MYSM1: variants seen among roughly 807,000 people sequenced by gnomAD.
MYSM1 encodes Myb like, SWIRM and MPN domains 1, also known as deubiquitinase MYSM1.
MYSM1 carries 51 observed loss-of-function variants against 116.0 expected under a neutral mutation model. That is an observed-to-expected ratio of 0.44 (90% CI 0.35 to 0.56). The LOEUF is 0.56. Among genes scored for constraint, MYSM1 ranks in the 20% least tolerant of loss-of-function variants. The pLI is 0.00. For synonymous variants in MYSM1, 313 were observed against 315.2 expected, an observed-to-expected ratio of 0.99 and a Z score of 0.07; for missense variants, 900 against 974.9, an observed-to-expected ratio of 0.92 and a Z score of 1.02.
In MYSM1 at chr1:58,667,237, T is replaced by C. The variant is rs774511157; in HGVS notation, c.1843-11A>G. The C allele has an allele frequency of 2.7e-6, 4 of 1,501,020 alleles. No individual in the cohort carries two copies. The highest frequency in any genetic ancestry group is 2.8e-5 in the African/African-American group (2 of 71,138). 93.0% of individuals were successfully genotyped at this position (1,501,020 alleles called of 1,614,324 possible). On this transcript the variant is annotated splice_polypyrimidine_tract_variant and intron_variant, in intron 15 of 19. Transcript: ENST00000472487. ...TTCTGCTGCACAGACCTATAAACGA[T>C]TGATCCTCAAATGATTATACTAAAA...
In MYSM1 at chr1:58,659,544, G is replaced by A. The variant is rs1644362836; in HGVS notation, c.*453C>T. 6.6e-6 allele frequency: 1 copy of A among 152,146 alleles called. No individual in the cohort carries two copies. Among genetic ancestry groups the A allele is most frequent in the Non-Finnish European group, 1.5e-5 (1 of 68,094 alleles). 9.4% of individuals were successfully genotyped at this position (152,146 alleles called of 1,614,324 possible). A position where few individuals can be genotyped will look rare whatever the true frequency, so the allele number is the denominator to read the frequency against. On this transcript the variant is annotated 3_prime_UTR_variant, in exon 20 of 20. Transcript: ENST00000472487. ...TCTAAACCATATTAATTATCTCAGT[G>A]ACCACCCATCCATATCTCATTTATA...
At chr1:58,697,166 G>C (rs1198956818) in intron 1 of MYSM1, among the ~76,000 whole-genome samples, 1 of 152,184 alleles carries the variant, frequency 6.6e-6, no homozygotes, top group Non-Finnish European at 1.5e-5. Context: ...TAGAAGGAGG[G>C]AGGTAAGGAA....
chr1:58,675,669 G>A, intron 9 of MYSM1, 89 bp from the exon 10 acceptor site: 1 of 898,510 alleles, frequency 1.1e-6, no homozygotes, highest in Non-Finnish European at 1.8e-6. Flanking sequence ...GACTATAGTG[G>A]GGCTTCTATG....
rs1644334117 is a variant in MYSM1, at chr1:58,657,477, A to G, written c.*2520T>C. ...CCCTGGCTCCATTATCCTCGGTAGT[A>G]GCCCAAGGCTGGTAGTGCCAGCAAT... On this transcript the variant is annotated 3_prime_UTR_variant, in exon 20 of 20. Coordinates refer to ENST00000472487, the MANE Select transcript of MYSM1 (RefSeq NM_001085487.3). 1 of 152,178 alleles carries G rather than the reference A, an allele frequency of 6.6e-6. No individual in the cohort carries two copies. Among genetic ancestry groups the G allele is most frequent in the South Asian group, 2.1e-4 (1 of 4,834 alleles). 9.4% of individuals were successfully genotyped at this position (152,178 alleles called of 1,614,324 possible).
chr1:58,682,616 A>G, intron 7 of MYSM1, 71 bp from the exon 8 acceptor site: 1 of 1,346,516 alleles, frequency 7.4e-7, no homozygotes, highest in Non-Finnish European at 9.9e-7. Context: ...ACACACAAAA[A>G]AGGATAAATA....
At position 58,657,471 on chromosome 1, in the gene MYSM1, G is replaced by A. The variant is rs1323002996; in HGVS notation, c.*2526C>T. 6.6e-6 allele frequency: 1 copy of A among 152,060 alleles called. No homozygotes were observed. Among genetic ancestry groups the A allele is most frequent in the Non-Finnish European group, 1.5e-5 (1 of 68,012 alleles). 9.4% of individuals were successfully genotyped at this position (152,060 alleles called of 1,614,324 possible). A position where few individuals can be genotyped will look rare whatever the true frequency, so the allele number is the denominator to read the frequency against. ...ACAAGGCCCTGGCTCCATTATCCTC[G>A]GTAGTAGCCCAAGGCTGGTAGTGCC... is the stretch of plus-strand genomic sequence containing the variant. On this transcript the variant is annotated 3_prime_UTR_variant, in exon 20 of 20. Transcript: ENST00000472487.
At chr1:58,696,449 C>T (rs1644975525) in intron 1 of MYSM1, among the ~76,000 whole-genome samples, 1 of 152,192 alleles carries the variant, frequency 6.6e-6, no homozygotes, top group Non-Finnish European at 1.5e-5. Context: ...TTCACCATCT[C>T]ACTCAGTGGC....
chr1:58,678,159 C>T (rs1644681952), intron 8 of MYSM1, among the ~76,000 whole-genome samples: 1 of 152,100 alleles, frequency 6.6e-6, no homozygotes, highest in South Asian at 2.1e-4. Context: ...GACAAACAGG[C>T]ATAGACTACT....
intron 10 of MYSM1, among the ~76,000 whole-genome samples, chr1:58,674,561 A>T (rs1460633239): frequency 6.6e-6 from 1 of 152,176 alleles, no homozygotes; most frequent in African/African-American, 2.4e-5. Context: ...TTTCTTTTTC[A>T]TATCTTATTT....
At chr1:58,667,331 T>G in intron 15 of MYSM1, 105 bp from the exon 16 acceptor site, 1 of 830,580 alleles carries the variant, frequency 1.2e-6, no homozygotes, top group Non-Finnish European at 1.7e-6. Flanking sequence ...AGGCCAAGAC[T>G]TTTATTTAAC....
rs118010951 is a variant in MYSM1 at position 58,664,368 on chromosome 1, G to A, written c.2164+1131C>T. 6.1e-3 allele frequency among the ~76,000 whole-genome samples: 936 copies of A among 152,284 alleles called. 3 individuals carry two copies. Among genetic ancestry groups the A allele is most frequent in the East Asian group, 0.019 (101 of 5,192 alleles). On this transcript the variant is annotated intron_variant, in intron 17 of 19. Transcript: ENST00000472487. ...AGCTAATACCAATATTATTAATTCA[G>A]TAAAAACCCATAGTGTTGACCACCT...
At chr1:58,673,726 G>A in intron 10 of MYSM1, 76 bp from the exon 11 acceptor site, 2 of 1,214,144 alleles carry the variant, frequency 1.6e-6, no homozygotes, top group South Asian at 1.3e-5. Flanking sequence ...TACACAAAAT[G>A]AAAACAATAA....
intron 17 of MYSM1, among the ~76,000 whole-genome samples, chr1:58,664,302 T>C (rs1487353976): frequency 2.0e-5 from 3 of 152,232 alleles, no homozygotes; most frequent in Admixed American, 2.0e-4. Flanking sequence ...AAGAATAATA[T>C]GTATTATGTG....
intron 15 of MYSM1, 67 bp downstream of exon 15, chr1:58,667,780 T>A: frequency 1.1e-6 from 1 of 923,114 alleles, no homozygotes; most frequent in Non-Finnish European, 1.8e-6. Flanking sequence ...AACTGAATTC[T>A]ATAAAAATAT....
intron 7 of MYSM1, 62 bp from the exon 8 acceptor site, chr1:58,682,607 C>T (rs1417300786): frequency 7.1e-7 from 1 of 1,408,106 alleles, no homozygotes. Context: ...ATCACTGGTA[C>T]ACACAAAAAA....
intron 1 of MYSM1, chr1:58,699,691 A>T (rs1645034734): frequency 1.0e-6 from 1 of 985,312 alleles, no homozygotes; most frequent in Non-Finnish European, 1.2e-6. Flanking sequence ...GAGGGAACGG[A>T]AGAAGGAATC....
At chr1:58,668,948 A>G in intron 13 of MYSM1, 36 bp downstream of exon 13, 2 of 1,500,768 alleles carry the variant, frequency 1.3e-6, no homozygotes, top group African/African-American at 1.4e-5. Context: ...GGAAGCGGGG[A>G]TTGTCTACTG....
At chr1:58,665,350 C>T (rs2100596783) in intron 17 of MYSM1, 149 bp downstream of exon 17, 1 of 603,670 alleles carries the variant, frequency 1.7e-6, no homozygotes, top group Middle Eastern at 4.3e-4. Context: ...AGGGTGGCTG[C>T]ACTAGGGTGG....
intron 17 of MYSM1, 69 bp from the exon 18 acceptor site, chr1:58,661,580 C>A: frequency 2.3e-6 from 2 of 866,252 alleles, no homozygotes; most frequent in Non-Finnish European, 3.6e-6. Flanking sequence ...TTTAATTATA[C>A]TTAAAATTCC....
Sources: allele counts gnomAD v4.1 joint callset (sites outside exome capture counted in the v4.1 genomes callset), GRCh38; gene constraint gnomAD v4.1.1; transcripts MANE v1.5; gene names NCBI Gene and HGNC (gene_info 2026-07-23, HGNC 2026-07-21).